The following ARHGAP35 variants were observed in gnomAD, a reference collection of about 807,000 sequenced individuals.
ARHGAP35 encodes the protein rho GTPase-activating protein 35.
A neutral mutation model predicts 111.1 loss-of-function variants in ARHGAP35; 15 were observed. The ratio of observed to expected loss-of-function variants is 0.13; its 90% CI spans 0.09 to 0.21. ARHGAP35 has a LOEUF of 0.21. Ranked by LOEUF, ARHGAP35 falls within the 10% of genes least tolerant of loss-of-function variation. ARHGAP35 has a pLI of 1.00. For missense variants in ARHGAP35, 1,262 were observed against 1,873.0 expected (o/e 0.67, Z 6.02); for synonymous variants, 643 against 710.3 (o/e 0.91, Z 1.51).
In ARHGAP35 at chr19:46,882,586, C is replaced by G. The variant is rs141742864; in HGVS notation, c.-189+21377C>G. ...GCCATTGATGGTTTGCTGCACCTATCGACCTGTCATCTAGGTTTTAAGCCC... is the reference window on the plus strand; with the variant it reads ...GCCATTGATGGTTTGCTGCACCTATGGACCTGTCATCTAGGTTTTAAGCCC... On this transcript the variant is annotated intron_variant, in intron 1 of 6. Transcript: ENST00000672722. 2.6e-3 allele frequency among the ~76,000 whole-genome samples: 393 copies of G among 152,276 alleles called. 1 individual carries two copies. Among genetic ancestry groups the G allele is most frequent in the Non-Finnish European group, 4.8e-3 (326 of 68,008 alleles).
At position 46,901,356 on chromosome 19, in the gene ARHGAP35, G is replaced by A. The variant is rs988201213; in HGVS notation, c.-188-17132G>A. Among the ~76,000 whole-genome samples the A allele has an allele frequency of 6.6e-6, 1 of 152,158 alleles. No individual in the cohort carries two copies. Among genetic ancestry groups the A allele is most frequent in the South Asian group, 2.1e-4 (1 of 4,824 alleles). On this transcript the variant is annotated intron_variant, in intron 1 of 6. Coordinates refer to ENST00000672722, the MANE Select transcript of ARHGAP35 (RefSeq NM_004491.5). This position sits in a 1 kb window ranked among gnomAD's most constrained non-coding sequence, Gnocchi z 4.5. ...GTGGATCACTTGAGGTCAGGAGTTC[G>A]AGACCAGCCTGGCCAACATGGTGAC... is the stretch of plus-strand genomic sequence containing the variant.
chr19:46,891,726 G>A (rs1283184273), intron 1 of ARHGAP35, among the ~76,000 whole-genome samples: 1 of 152,070 alleles, frequency 6.6e-6, no homozygotes, highest in African/African-American at 2.4e-5. Context: ...TGCCCGGCCA[G>A]GGCAAAGGTT....
intron 3 of ARHGAP35, among the ~76,000 whole-genome samples, chr19:46,957,722 G>A (rs2056448716): frequency 6.6e-6 from 1 of 152,190 alleles, no homozygotes; most frequent in African/African-American, 2.4e-5. Flanking sequence ...TGGTACAGTG[G>A]CAAGGTGATT....
At chr19:46,879,382 A>G (rs546881716) in intron 1 of ARHGAP35, among the ~76,000 whole-genome samples, 8 of 151,948 alleles carry the variant, frequency 5.3e-5, no homozygotes, top group Non-Finnish European at 1.2e-4. Context: ...AGTTCAGGAG[A>G]TAGAGACCAT....
chr19:46,873,398 G>T (rs1034058916), intron 1 of ARHGAP35, among the ~76,000 whole-genome samples: 1 of 152,002 alleles, frequency 6.6e-6, no homozygotes, highest in Non-Finnish European at 1.5e-5. Flanking sequence ...TTGGTGGGCC[G>T]AGGTGGGCGG....
At position 46,919,127 on chromosome 19, in the gene ARHGAP35, C is replaced by T; in HGVS notation, c.452C>T (p.Pro151Leu). Residue 151 changes from proline (P) to leucine (L), a missense_variant, in exon 2 of 7, where the codon CCA becomes CTA. Coordinates refer to ENST00000672722, the MANE Select transcript of ARHGAP35 (RefSeq NM_004491.5). The surrounding 1 kb of genome is among the most constrained non-coding windows in gnomAD (Gnocchi z 6.2). The stretch of plus-strand genomic sequence containing the variant: ...CAGGACTTTGAGCAGAAACAAATGC[C>T]AGACGGAAAGCTGCTGGTTGATGGT... Reference protein sequence around the residue: ...LEQDFEQKQMPDGKLLVDGFL... With the variant: ...LEQDFEQKQMLDGKLLVDGFL... 1.2e-6 allele frequency: 2 copies of T among 1,613,938 alleles called. No individual in the cohort carries two copies. Among genetic ancestry groups the T allele is most frequent in the Non-Finnish European group, 1.7e-6 (2 of 1,179,876 alleles).
At chr19:46,884,872 A>G (rs762515035) in intron 1 of ARHGAP35, among the ~76,000 whole-genome samples, 14 of 152,006 alleles carry the variant, frequency 9.2e-5, no homozygotes, top group Admixed American at 1.3e-4. Flanking sequence ...CGCACCCACC[A>G]TGCCTGGCTA....
Position 47,000,687 on chromosome 19 carries a change from G to A in ARHGAP35, c.4499G>A (p.Ter1500=), listed in dbSNP as rs750115747. Residue 1500 remains the stop codon, a stop_retained_variant, in exon 7 of 7, where the codon TGA becomes TAA. Coordinates refer to ENST00000672722, the MANE Select transcript of ARHGAP35 (RefSeq NM_004491.5). The surrounding 1 kb of genome is among the most constrained non-coding windows in gnomAD (Gnocchi z 6.9). ...PSQLQAEHTL[*] ...CAGCTTCAAGCCGAACACACGCTGT[G>A]AGCCACCAAGACCTGGGGCGACAGG... 3.2e-6 allele frequency: 5 copies of A among 1,571,748 alleles called. No homozygotes were observed. In the South Asian group the frequency reaches 5.9e-5, roughly 19 times the overall value.
At position 46,921,226 on chromosome 19, in the gene ARHGAP35, T is replaced by C; in HGVS notation, c.2551T>C (p.Leu851=). Residue 851 remains leucine (L), a synonymous_variant, in exon 2 of 7, where the codon TTG becomes CTG. Transcript: ENST00000672722. This position sits in a 1 kb window ranked among gnomAD's most constrained non-coding sequence, Gnocchi z 4.3. ...CTCCTTTAGCATCAGAAAGAGCCGGTTGGTTCATGGGTACATTGTTTTTTA... is the reference window on the plus strand; with the variant it reads ...CTCCTTTAGCATCAGAAAGAGCCGGCTGGTTCATGGGTACATTGTTTTTTA... The part of the protein sequence containing the change: ...HSSFSIRKSR[L]VHGYIVFYSA... The C allele has an allele frequency of 1.9e-6, 3 of 1,614,014 alleles. No individual in the cohort carries two copies. The highest frequency in any genetic ancestry group is 2.5e-6 in the Non-Finnish European group (3 of 1,179,890).
chr19:46,890,335 T>A (rs574173246), intron 1 of ARHGAP35, among the ~76,000 whole-genome samples: 26 of 152,366 alleles, frequency 1.7e-4, no homozygotes, highest in African/African-American at 6.3e-4. Context: ...TAAAAATGTC[T>A]TTCTATTTGA....
chr19:46,899,533 AAAAAATAC>A (rs2056073634), intron 1 of ARHGAP35, among the ~76,000 whole-genome samples: 1 of 151,950 alleles, frequency 6.6e-6, no homozygotes, highest in South Asian at 2.1e-4. Flanking sequence ...GTCTCTACAA[AAAAAATAC>A]AAAAATTAGC....
At chr19:46,955,470 C>G (rs555387921) in intron 3 of ARHGAP35, among the ~76,000 whole-genome samples, 1 of 152,318 alleles carries the variant, frequency 6.6e-6, no homozygotes, top group Admixed American at 6.5e-5. Flanking sequence ...AGCCTTTCAG[C>G]AGCCTTCTTG....
rs1429524742 is a variant in ARHGAP35 at position 46,921,882 on chromosome 19, G to A, written c.3207G>A (p.Lys1069=). 6.2e-7 allele frequency: 1 copy of A among 1,613,896 alleles called. No homozygotes were observed. The highest frequency in any genetic ancestry group is 8.5e-7 in the Non-Finnish European group (1 of 1,179,874). Residue 1069 remains lysine (K), a synonymous_variant, in exon 2 of 7, where the codon AAG becomes AAA. Coordinates refer to ENST00000672722, the MANE Select transcript of ARHGAP35 (RefSeq NM_004491.5). The surrounding 1 kb of genome is among the most constrained non-coding windows in gnomAD (Gnocchi z 4.3). ...LDQGHRDGQR[K]SVSSSPWLPQ... is the part of the protein sequence containing the mutation. Reference sequence around the variant, plus strand: ...AAGGCCATAGGGATGGACAGAGGAAGTCTGTGTCTTCTAGCCCCTGGCTGC... The same window carrying A: ...AAGGCCATAGGGATGGACAGAGGAAATCTGTGTCTTCTAGCCCCTGGCTGC...
At chr19:46,873,308 C>T (rs922964819) in intron 1 of ARHGAP35, among the ~76,000 whole-genome samples, 7 of 151,976 alleles carry the variant, frequency 4.6e-5, no homozygotes, top group Non-Finnish European at 8.8e-5. Flanking sequence ...ACAAGGTTCC[C>T]TTCTAACCCC....
In ARHGAP35 at chr19:46,920,665, C is replaced by T. The variant is rs777081015; in HGVS notation, c.1990C>T (p.Leu664Phe). The T allele has an allele frequency of 5.0e-6, 8 of 1,613,794 alleles. No individual in the cohort carries two copies. Among genetic ancestry groups the T allele is most frequent in the Non-Finnish European group, 6.8e-6 (8 of 1,179,882 alleles). ...ATTTCAGCCCCACGGCTGTCTCTGCCTTTACAATTCAAAGGAATCGCTATC... is the reference window on the plus strand; with the variant it reads ...ATTTCAGCCCCACGGCTGTCTCTGCTTTTACAATTCAAAGGAATCGCTATC... ...PTFQPHGCLC[L>F]YNSKESLSYV... Residue 664 changes from leucine (L) to phenylalanine (F), a missense_variant, in exon 2 of 7, where the codon CTT becomes TTT. Transcript: ENST00000672722. The surrounding 1 kb of genome is among the most constrained non-coding windows in gnomAD (Gnocchi z 7.0).
chr19:46,871,386 A>G (rs1437872555), intron 1 of ARHGAP35, among the ~76,000 whole-genome samples: 1 of 152,116 alleles, frequency 6.6e-6, no homozygotes, highest in African/African-American at 2.4e-5. Flanking sequence ...TCTGTCACCC[A>G]GGCTAGAGTG....
chr19:46,911,313 G>A (rs1210962474), intron 1 of ARHGAP35, among the ~76,000 whole-genome samples: 1 of 151,998 alleles, frequency 6.6e-6, no homozygotes, highest in Non-Finnish European at 1.5e-5. Flanking sequence ...ACCATTTATT[G>A]TCTTATGGTT....
intron 3 of ARHGAP35, among the ~76,000 whole-genome samples, chr19:46,957,226 G>T (rs545819448): frequency 8.9e-4 from 136 of 152,232 alleles, no homozygotes; most frequent in Non-Finnish European, 1.7e-3. Flanking sequence ...CTCCCAAAGT[G>T]CTGGGATTAC....
In ARHGAP35 at chr19:47,000,291, C is replaced by A. The variant is rs770986509; in HGVS notation, c.4143-40C>A. On this transcript the variant is annotated intron_variant, in intron 6 of 6. Transcript: ENST00000672722. This position sits in a 1 kb window ranked among gnomAD's most constrained non-coding sequence, Gnocchi z 6.9. ...ATGAGCGCCCAGGGCCAGGTGGGGC[C>A]CTGCACAGTTCTGACCATTGAGTTT... The A allele has an allele frequency of 1.9e-6, 3 of 1,597,714 alleles. No homozygotes were observed. In the South Asian group the frequency reaches 3.4e-5, roughly 18 times the overall value.
Sources: allele counts gnomAD v4.1 joint callset (sites outside exome capture counted in the v4.1 genomes callset), GRCh38; gene constraint gnomAD v4.1.1; non-coding constraint Gnocchi (gnomAD v3.1); transcripts MANE v1.5; gene names NCBI Gene and HGNC (gene_info 2026-07-23, HGNC 2026-07-21).